The following SKAP2 variants were observed in gnomAD, a reference collection of about 807,000 sequenced individuals.
SKAP2 encodes src kinase-associated phosphoprotein 2.
Under a neutral mutation model 54.9 loss-of-function variants are expected in SKAP2, and 28 were observed. The ratio of observed to expected loss-of-function variants is 0.51; its 90% CI spans 0.38 to 0.70. The LOEUF is 0.70. Among genes scored for constraint, SKAP2 ranks in the 30% least tolerant of loss-of-function variants. The pLI is 0.00. For synonymous variants in SKAP2, 137 were observed against 134.3 expected (o/e 1.02, Z -0.14); for missense variants, 356 against 424.1 (o/e 0.84, Z 1.41).
downstream of SKAP2, among the ~76,000 whole-genome samples, chr7:26,663,490 G>C (rs1786054982): frequency 6.6e-6 from 1 of 152,088 alleles, no homozygotes; most frequent in Admixed American, 6.6e-5. Flanking sequence ...TTATGTATCA[G>C]ATATTCCAAT....
intron 4 of SKAP2, among the ~76,000 whole-genome samples, chr7:26,773,882 G>A (rs1562605441): frequency 6.6e-6 from 1 of 152,184 alleles, no homozygotes; most frequent in Non-Finnish European, 1.5e-5. Context: ...AATACCTGGG[G>A]TAAGGCTACT....
chr7:26,845,307 A>G lies in SKAP2; in HGVS notation c.200-1170T>C, dbSNP rs184638810. ...ATTTGTTACCACATTTTTGGTAGAG[A>G]AAATAGCCTCTCTCAAGACAACACT... is the stretch of plus-strand genomic sequence containing the variant. On this transcript the variant is annotated intron_variant, in intron 3 of 12. Coordinates refer to ENST00000345317, the MANE Select transcript of SKAP2 (RefSeq NM_003930.5). 1.4e-3 allele frequency among the ~76,000 whole-genome samples: 212 copies of G among 152,324 alleles called. 1 individual carries two copies. The highest frequency in any genetic ancestry group is 6.8e-3 in the Middle Eastern group (2 of 294).
intron 4 of SKAP2, among the ~76,000 whole-genome samples, chr7:26,789,498 C>A (rs1275194068): frequency 6.6e-6 from 1 of 152,074 alleles, no homozygotes; most frequent in Non-Finnish European, 1.5e-5. Flanking sequence ...GTTTGTGTTA[C>A]AGTTATAGAG....
chr7:26,832,001 GA>G (rs1784605594), intron 4 of SKAP2, among the ~76,000 whole-genome samples: 1 of 151,914 alleles, frequency 6.6e-6, no homozygotes, highest in Non-Finnish European at 1.5e-5. Flanking sequence ...AACTTATGTA[GA>G]AAGTATTCTT....
chr7:26,712,984 G>C (rs1210856812), intron 9 of SKAP2, among the ~76,000 whole-genome samples: 1 of 152,150 alleles, frequency 6.6e-6, no homozygotes, highest in Non-Finnish European at 1.5e-5. Context: ...AAGTAATTCA[G>C]GACACATTTT....
intron 4 of SKAP2, among the ~76,000 whole-genome samples, chr7:26,748,548 C>T (rs1347042822): frequency 6.6e-6 from 1 of 152,028 alleles, no homozygotes; most frequent in Non-Finnish European, 1.5e-5. Context: ...CATAAAGTAA[C>T]TCCTCAGCAA....
intron 9 of SKAP2, among the ~76,000 whole-genome samples, chr7:26,715,118 A>T (rs531212925): frequency 6.6e-6 from 1 of 152,222 alleles, no homozygotes; most frequent in Non-Finnish European, 1.5e-5. Flanking sequence ...GCCTAGCCCC[A>T]TTAACATAAT....
At chr7:26,800,078 T>C (rs376346126) in intron 4 of SKAP2, among the ~76,000 whole-genome samples, 175 of 151,994 alleles carry the variant, frequency 1.2e-3, no homozygotes, top group Admixed American at 3.4e-3. Context: ...GAGCCAAGAT[T>C]GCGCCACTGC....
intron 11 of SKAP2, among the ~76,000 whole-genome samples, chr7:26,673,303 C>T (rs1401222739): frequency 2.0e-5 from 3 of 152,192 alleles, no homozygotes; most frequent in Non-Finnish European, 2.9e-5. Flanking sequence ...AGTGACTGTA[C>T]TTCAGGAGGA....
chr7:26,763,808 T>C (rs1782984755), intron 4 of SKAP2, among the ~76,000 whole-genome samples: 1 of 121,128 alleles, frequency 8.3e-6, no homozygotes, highest in Non-Finnish European at 1.8e-5. Flanking sequence ...ATATAGCCTA[T>C]TGCTCCTAGG....
intron 10 of SKAP2, among the ~76,000 whole-genome samples, chr7:26,689,915 T>C (rs890979369): frequency 6.6e-6 from 1 of 152,200 alleles, no homozygotes; most frequent in Non-Finnish European, 1.5e-5. Context: ...CTATATTACA[T>C]TCTTATAGGT....
chr7:26,760,854 ACTGT>A (rs927884955), intron 4 of SKAP2, among the ~76,000 whole-genome samples: 31 of 152,346 alleles, frequency 2.0e-4, no homozygotes, highest in African/African-American at 7.5e-4. Flanking sequence ...ACATGAAAGA[ACTGT>A]CTGACCAGAA....
At chr7:26,815,107 CTT>C (rs71823311) in intron 4 of SKAP2, among the ~76,000 whole-genome samples, 1 of 146,758 alleles carries the variant, frequency 6.8e-6, no homozygotes, top group Non-Finnish European at 1.5e-5. Context: ...TACAAATGGT[CTT>C]TTTTTTTTTA....
At chr7:26,689,222 T>C (rs1786724342) in intron 10 of SKAP2, among the ~76,000 whole-genome samples, 1 of 152,092 alleles carries the variant, frequency 6.6e-6, no homozygotes, top group Non-Finnish European at 1.5e-5. Context: ...TATGGACATA[T>C]CAGAGAGGGG....
chr7:26,767,458 A>G (rs1382939062), intron 4 of SKAP2, among the ~76,000 whole-genome samples: 3 of 151,744 alleles, frequency 2.0e-5, no homozygotes, highest in Admixed American at 6.6e-5. Context: ...TTGTGTCTCT[A>G]TCTCCTTCCG....
At chr7:26,743,095 C>T (rs1464208924) in intron 4 of SKAP2, among the ~76,000 whole-genome samples, 1 of 152,116 alleles carries the variant, frequency 6.6e-6, no homozygotes, top group African/African-American at 2.4e-5. Flanking sequence ...CACATGTTTG[C>T]CATACACCGC....
At chr7:26,833,169 C>T (rs577610589) in intron 4 of SKAP2, among the ~76,000 whole-genome samples, 3 of 151,942 alleles carry the variant, frequency 2.0e-5, no homozygotes, top group African/African-American at 2.4e-5. Context: ...GTGAGGCGGG[C>T]GGATCACAAG....
At chr7:26,702,418 C>T (rs1787049345) in intron 9 of SKAP2, among the ~76,000 whole-genome samples, 1 of 152,190 alleles carries the variant, frequency 6.6e-6, no homozygotes. Flanking sequence ...CTTGGGGTTA[C>T]AGGCATGAGC....
chr7:26,838,375 T>C (rs1381490295), intron 4 of SKAP2, among the ~76,000 whole-genome samples: 1 of 152,156 alleles, frequency 6.6e-6, no homozygotes, highest in East Asian at 1.9e-4. Context: ...ACTGCCACCA[T>C]TCAATTTACT....
Sources: allele counts gnomAD v4.1 joint callset (sites outside exome capture counted in the v4.1 genomes callset), GRCh38; gene constraint gnomAD v4.1.1; transcripts MANE v1.5; gene names NCBI Gene and HGNC (gene_info 2026-07-23, HGNC 2026-07-21).